Variants in NXN observed in about 807,000 individuals in gnomAD.
NXN encodes the protein nucleoredoxin 1.
NXN carries 16 observed loss-of-function variants against 48.6 expected under a neutral mutation model. That is an observed-to-expected ratio of 0.33 (90% CI 0.22 to 0.50). The LOEUF (loss-of-function observed/expected upper bound fraction) is 0.50. NXN is among the 20% of genes least tolerant of loss of function. NXN has a pLI of 0.98. For missense variants in NXN, 492 were observed against 605.5 expected (o/e 0.81, Z 1.97); for synonymous variants, 281 against 269.6 (o/e 1.04, Z -0.41).
intron 1 of NXN, among the ~76,000 whole-genome samples, chr17:837,673 C>T (rs773009491): frequency 6.6e-6 from 1 of 152,196 alleles, no homozygotes; most frequent in Non-Finnish European, 1.5e-5. Context: ...ATCAGAGCTT[C>T]TCTCGCTTTG....
chr17:881,592 T>C (rs894599108), intron 1 of NXN, among the ~76,000 whole-genome samples: 5 of 152,148 alleles, frequency 3.3e-5, no homozygotes, highest in African/African-American at 1.2e-4. Context: ...TACCTGATAA[T>C]CGACTCAGAA....
chr17:961,364 G>A (rs906742983), intron 1 of NXN, among the ~76,000 whole-genome samples: 17 of 151,046 alleles, frequency 1.1e-4, no homozygotes, highest in African/African-American at 3.9e-4. Context: ...CAGCCTGGGC[G>A]ACAGAGTGAG....
In NXN at chr17:959,503, A is replaced by AG. The variant is rs1395315610; in HGVS notation, c.360+19815_360+19816insC. 3 of 158,250 alleles carry AG rather than the reference A, an allele frequency of 1.9e-5. No individual in the cohort carries two copies. The East Asian group carries it at 5.1e-4, about 27-fold the overall frequency. The allele number at this position is 158,250 out of a possible 1,614,324, so 9.8% of individuals were successfully genotyped here. A position where few individuals can be genotyped will look rare whatever the true frequency, so the allele number is the denominator to read the frequency against. On this transcript the variant is annotated intron_variant, in intron 1 of 7. Coordinates refer to ENST00000336868, the MANE Select transcript of NXN (RefSeq NM_022463.5). The stretch of plus-strand genomic sequence containing the variant: ...GGACTTCAGAAGTGAGAAAAAAAAA[A>AG]AAGGTGAAATAGGCCAGGCGCAGTG...
intron 3 of NXN, among the ~76,000 whole-genome samples, chr17:822,914 A>T (rs1567818049): frequency 6.6e-6 from 1 of 152,070 alleles, no homozygotes; most frequent in Non-Finnish European, 1.5e-5. Flanking sequence ...AGCCTGACCA[A>T]CATGGAGAAA....
At chr17:893,377 C>T (rs1196632133) in intron 1 of NXN, among the ~76,000 whole-genome samples, 1 of 152,224 alleles carries the variant, frequency 6.6e-6, no homozygotes, top group Non-Finnish European at 1.5e-5. Flanking sequence ...CCTCCGGTCC[C>T]AGCTTAAAAG....
chr17:974,686 C>A (rs2663330), intron 1 of NXN, among the ~76,000 whole-genome samples: 37,793 of 151,438 alleles, frequency 0.25, 7,104 homozygotes, highest in African/African-American at 0.52. Flanking sequence ...GGACAAAAGA[C>A]TCTATATTTT....
chr17:809,976 C>T (rs1182676739), intron 5 of NXN, among the ~76,000 whole-genome samples: 4 of 95,776 alleles, frequency 4.2e-5, no homozygotes, highest in East Asian at 3.8e-4. Context: ...GTGTACGTTA[C>T]GAGTCTGTGA....
chr17:828,529 G>A (rs1273179252), intron 1 of NXN, among the ~76,000 whole-genome samples: 1 of 151,072 alleles, frequency 6.6e-6, no homozygotes, highest in Admixed American at 6.6e-5. Context: ...AGCCTCCCGA[G>A]TAGCTGGGAT....
chr17:916,870 C>A (rs62070214), intron 1 of NXN, among the ~76,000 whole-genome samples: 6,813 of 152,136 alleles, frequency 0.045, 192 homozygotes, highest in South Asian at 0.11. Flanking sequence ...TGCACTCCGG[C>A]CTGGGCAACA....
At chr17:898,014 T>C (rs1051217650) in intron 1 of NXN, among the ~76,000 whole-genome samples, 4 of 152,204 alleles carry the variant, frequency 2.6e-5, no homozygotes, top group Non-Finnish European at 5.9e-5. Context: ...CTTGATATTG[T>C]GCACTTCAAA....
chr17:966,348 G>A (rs2069303031), intron 1 of NXN, among the ~76,000 whole-genome samples: 1 of 151,774 alleles, frequency 6.6e-6, no homozygotes. Context: ...AGTGTTGTCA[G>A]CATTTTTTTT....
chr17:955,317 G>A (rs867662227), intron 1 of NXN, among the ~76,000 whole-genome samples: 19 of 151,602 alleles, frequency 1.3e-4, no homozygotes, highest in African/African-American at 4.1e-4. Context: ...ACAGGCATGC[G>A]CCACCACACC....
chr17:830,775 C>T lies in NXN; in HGVS notation c.361-4697G>A, dbSNP rs964098988. On this transcript the variant is annotated intron_variant, in intron 1 of 7. Transcript: ENST00000336868. This position sits in a 1 kb window ranked among gnomAD's most constrained non-coding sequence, Gnocchi z 4.2. ...CAGCAGTTTGGGAGGCCAAGGTGGG[C>T]AGATCATCTGAGGTCAGGAGTTCGA... is the stretch of plus-strand genomic sequence containing the variant. Among the ~76,000 whole-genome samples the T allele has an allele frequency of 6.6e-6, 1 of 152,042 alleles. No homozygotes were observed. The highest frequency in any genetic ancestry group is 1.9e-4 in the East Asian group (1 of 5,186).
chr17:933,299 T>G (rs911068751), intron 1 of NXN: 1 of 151,980 alleles, frequency 6.6e-6, no homozygotes, highest in Non-Finnish European at 1.5e-5. Flanking sequence ...GAAATCTGAT[T>G]AGTAAAAAGA....
At chr17:935,241 A>C (rs1355809677) in intron 1 of NXN, among the ~76,000 whole-genome samples, 1 of 149,774 alleles carries the variant, frequency 6.7e-6, no homozygotes, top group Non-Finnish European at 1.5e-5. Flanking sequence ...TGATCTGCCC[A>C]CCTTGGCCTC....
chr17:966,680 ATTC>A (rs1456579368), intron 1 of NXN, among the ~76,000 whole-genome samples: 3 of 151,690 alleles, frequency 2.0e-5, no homozygotes, highest in Admixed American at 6.6e-5. Flanking sequence ...GCCCAAGACA[ATTC>A]TTCTTCCAAC....
chr17:826,957 G>T (rs1392476210), intron 1 of NXN, among the ~76,000 whole-genome samples: 5 of 152,232 alleles, frequency 3.3e-5, no homozygotes, highest in African/African-American at 1.2e-4. Flanking sequence ...CGCCATCGGG[G>T]TGAAGCCTCC....
rs988688459 is a variant in NXN at position 951,842 on chromosome 17, G to A, written c.360+27477C>T. On this transcript the variant is annotated intron_variant, in intron 1 of 7. Coordinates refer to ENST00000336868, the MANE Select transcript of NXN (RefSeq NM_022463.5). ...ACAGGGGCAGAGAGGACGGGAGGCA[G>A]GAAAGCAATGAGCTCGGCACACTCA... 2.5e-4 allele frequency among the ~76,000 whole-genome samples: 38 copies of A among 152,302 alleles called. 1 individual carries two copies. The East Asian group carries it at 4.1e-3, about 16-fold the overall frequency.
At chr17:966,953 G>C (rs892785037) in intron 1 of NXN, among the ~76,000 whole-genome samples, 2 of 152,130 alleles carry the variant, frequency 1.3e-5, no homozygotes, top group African/African-American at 4.8e-5. Flanking sequence ...AGTTCTTCAC[G>C]GCCCAGCGGT....
Sources: gnomAD v4.1 joint callset for allele counts (sites outside exome capture counted in the v4.1 genomes callset) on GRCh38, gnomAD v4.1.1 for gene constraint, Gnocchi (gnomAD v3.1) non-coding constraint, MANE v1.5 for transcripts, NCBI Gene and HGNC (gene_info 2026-07-23, HGNC 2026-07-21) for gene names.